Variants in RLN2 observed in about 807,000 individuals in gnomAD.
RLN2 encodes relaxin 2.
In RLN2, 10 loss-of-function variants were observed where a neutral mutation model predicts 7.3. The ratio of observed to expected loss-of-function variants is 1.36; its 90% CI spans 0.84 to 2.31. The LOEUF is 2.31. Ranked by LOEUF, RLN2 falls within the 30% of genes most tolerant of loss-of-function variation. RLN2 has a pLI of 0.00. For missense variants in RLN2, 298 were observed against 217.6 expected (o/e 1.37, Z -2.32); for synonymous variants, 103 against 82.3 (o/e 1.25, Z -1.36).
the RLN2 span, among the ~76,000 whole-genome samples, chr9:5,319,036 T>C: frequency 6.6e-6 from 1 of 151,986 alleles, no homozygotes; most frequent in Non-Finnish European, 1.5e-5. Flanking sequence ...ACATTCTCCT[T>C]CAGTTGGTGA....
the RLN2 span, among the ~76,000 whole-genome samples, chr9:5,316,346 G>A: frequency 1.3e-5 from 2 of 151,648 alleles, no homozygotes; most frequent in Non-Finnish European, 2.9e-5. Context: ...TGAATGTACA[G>A]GTTTGTTACA....
At chr9:5,309,251 C>T (rs141653788), upstream of RLN2, among the ~76,000 whole-genome samples, 41 of 152,174 alleles carry the variant, frequency 2.7e-4, 2 homozygotes, top group East Asian at 4.4e-3. Flanking sequence ...GATCTCTTTG[C>T]TACCTCTTCC....
At chr9:5,306,102 G>GGTTTTTTTTTTTTTTTTTTTT (rs1554618110), upstream of RLN2, among the ~76,000 whole-genome samples, 2 of 123,436 alleles carry the variant, frequency 1.6e-5, 1 homozygote. Flanking sequence ...CTTTGTTTTT[G>GGTTTTTTTTTTTTTTTTTTTT]TTTTTTGTTT....
At chr9:5,326,492 T>C in the RLN2 span, among the ~76,000 whole-genome samples, 35 of 152,140 alleles carry the variant, frequency 2.3e-4, no homozygotes, top group African/African-American at 6.0e-4. Context: ...CTGGCTGATC[T>C]CCATCAGAAG....
intron 1 of RLN2, among the ~76,000 whole-genome samples, chr9:5,301,881 C>T (rs1816149137): frequency 6.6e-6 from 1 of 152,118 alleles, no homozygotes; most frequent in Admixed American, 6.5e-5. Context: ...CAACACTCTC[C>T]CTCATTCATG....
chr9:5,302,725 T>C (rs1362007416), intron 1 of RLN2, among the ~76,000 whole-genome samples: 1 of 152,186 alleles, frequency 6.6e-6, no homozygotes. Context: ...AAACTAAATA[T>C]CCACCAAAGA....
upstream of RLN2, among the ~76,000 whole-genome samples, chr9:5,306,988 T>C (rs900635585): frequency 6.6e-6 from 1 of 152,030 alleles, no homozygotes; most frequent in African/African-American, 2.4e-5. Flanking sequence ...TAAGCCTTAT[T>C]TCTCCTTTCT....
chr9:5,302,448 T>G (rs548712000), intron 1 of RLN2, among the ~76,000 whole-genome samples: 1 of 152,306 alleles, frequency 6.6e-6, no homozygotes, highest in South Asian at 2.1e-4. Flanking sequence ...TACCTAACAG[T>G]AGAAGTCTGA....
At chr9:5,333,155 T>C in the RLN2 span, among the ~76,000 whole-genome samples, 7 of 152,128 alleles carry the variant, frequency 4.6e-5, no homozygotes, top group African/African-American at 1.4e-4. Flanking sequence ...GACTTCTTAT[T>C]AATGGTCACA....
chr9:5,302,847 A>G, intron 1 of RLN2, among the ~76,000 whole-genome samples: 1 of 99,394 alleles, frequency 1.0e-5, no homozygotes, highest in Non-Finnish European at 1.9e-5. Context: ...ATGGTGAGTG[A>G]AAATGCAAAA....
chr9:5,329,679 G>C, the RLN2 span, among the ~76,000 whole-genome samples: 5 of 151,826 alleles, frequency 3.3e-5, no homozygotes, highest in Admixed American at 1.3e-4. Context: ...CTACATAATG[G>C]TAAAGGGATC....
the RLN2 span, among the ~76,000 whole-genome samples, chr9:5,333,352 A>C: frequency 1.3e-5 from 2 of 152,116 alleles, no homozygotes; most frequent in South Asian, 2.1e-4. Context: ...CTACCACTGA[A>C]CCCACAGAAA....
chr9:5,317,101 A>T, the RLN2 span, among the ~76,000 whole-genome samples: 5 of 152,004 alleles, frequency 3.3e-5, no homozygotes, highest in Non-Finnish European at 5.9e-5. Flanking sequence ...AAGAGAAAGG[A>T]ATCAAAACAG....
At chr9:5,320,947 T>C in the RLN2 span, among the ~76,000 whole-genome samples, 1 of 152,026 alleles carries the variant, frequency 6.6e-6, no homozygotes, top group South Asian at 2.1e-4. Context: ...GAACAATTTA[T>C]CTCATCAAAA....
the RLN2 span, among the ~76,000 whole-genome samples, chr9:5,318,741 A>T: frequency 1.3e-5 from 2 of 151,818 alleles, no homozygotes; most frequent in Non-Finnish European, 2.9e-5. Context: ...TTTGCTGAGG[A>T]TTCTATTTTT....
the RLN2 span, among the ~76,000 whole-genome samples, chr9:5,336,144 G>A: frequency 6.6e-6 from 1 of 152,066 alleles, no homozygotes; most frequent in Non-Finnish European, 1.5e-5. Flanking sequence ...ATCAGCAGGA[G>A]AAGGAAATCT....
chr9:5,311,610 A>G, the RLN2 span: 8 of 1,180,956 alleles, frequency 6.8e-6, no homozygotes, highest in African/African-American at 1.5e-5. Flanking sequence ...CCCATAGGGA[A>G]AAAGGGAAAA....
At chr9:5,310,118 T>A in the RLN2 span, among the ~76,000 whole-genome samples, 1 of 151,888 alleles carries the variant, frequency 6.6e-6, no homozygotes, top group Non-Finnish European at 1.5e-5. Flanking sequence ...AGGAGGAATA[T>A]CTGTATTGGA....
upstream of RLN2, chr9:5,304,775 A>G (rs1198098238): frequency 5.0e-6 from 3 of 604,194 alleles, no homozygotes; most frequent in Non-Finnish European, 8.9e-6. Context: ...CCCCTTTCCC[A>G]CACCCCTCCA....
Sources: gnomAD v4.1 joint callset for allele counts (sites outside exome capture counted in the v4.1 genomes callset) on GRCh38, gnomAD v4.1.1 for gene constraint, MANE v1.5 for transcripts, NCBI Gene and HGNC (gene_info 2026-07-23, HGNC 2026-07-21) for gene names.